PCDHGA2: variants seen among roughly 807,000 people sequenced by gnomAD.
The protein encoded by PCDHGA2 is protocadherin gamma-A2.
A neutral mutation model predicts 59.2 loss-of-function variants in PCDHGA2; 40 were observed. That is an observed-to-expected ratio of 0.68 (90% confidence interval 0.52 to 0.88). PCDHGA2 has a LOEUF of 0.88. PCDHGA2 is among the 40% of genes least tolerant of loss of function. PCDHGA2 has a pLI of 0.00. For synonymous variants in PCDHGA2, 560 were observed against 526.0 expected (o/e 1.06, Z -0.89); for missense variants, 1,226 against 1,204.0 (o/e 1.02, Z -0.27).
In PCDHGA2 at chr5:141,391,294, C is replaced by T. The variant is rs1189563844; in HGVS notation, c.2424+49899C>T. On this transcript the variant is annotated intron_variant, in intron 1 of 3. Transcript: ENST00000394576. Reference sequence around the variant, plus strand: ...TTTACAAATTGCTGAAAGAAGGAAACGTCTTTCGATTCTTTTTTTTTTCTT... The same window carrying T: ...TTTACAAATTGCTGAAAGAAGGAAATGTCTTTCGATTCTTTTTTTTTTCTT... 5.9e-5 allele frequency: 9 copies of T among 151,668 alleles called. 2 individuals are homozygous for T. The highest frequency in any genetic ancestry group is 5.3e-4 in the Admixed American group (8 of 15,220). 9.4% of individuals were successfully genotyped at this position (151,668 alleles called of 1,614,324 possible).
In PCDHGA2 at chr5:141,477,857, C is replaced by A. The variant is rs548674958; in HGVS notation, c.2425-16950C>A. On this transcript the variant is annotated intron_variant, in intron 1 of 3. Transcript: ENST00000394576. The surrounding 1 kb of genome is among the most constrained non-coding windows in gnomAD (Gnocchi z 4.9). ...AGGTGGGAGCTCGGTGGAGATGCTG[C>A]CTCGAGGTACCTCAGCTGGCCACCT... 2.9e-5 allele frequency: 47 copies of A among 1,613,454 alleles called. No individual in the cohort carries two copies. In the South Asian group the frequency reaches 4.9e-4, roughly 17 times the overall value.
At chr5:141,378,951 C>T (rs1775267163) in intron 1 of PCDHGA2, 1 of 152,180 alleles carries the variant, frequency 6.6e-6, no homozygotes, top group South Asian at 2.1e-4. Context: ...GAATGGAGTA[C>T]AGGGGATTCT....
chr5:141,395,305 A>G, intron 1 of PCDHGA2: 1 of 1,514,986 alleles, frequency 6.6e-7, no homozygotes. Flanking sequence ...TATGTTTTGA[A>G]AAACATTGTG....
chr5:141,510,069 CCAGCAGAGTGCCTGG>C (rs994886462), intron 3 of PCDHGA2, among the ~76,000 whole-genome samples: 12 of 152,260 alleles, frequency 7.9e-5, no homozygotes, highest in Admixed American at 7.8e-4. Context: ...TGTGAAGCAT[CCAGCAGAGTGCCTGG>C]CACACAGTAG....
intron 1 of PCDHGA2, chr5:141,415,172 T>G (rs770772038): frequency 1.2e-6 from 2 of 1,613,882 alleles, no homozygotes; most frequent in Non-Finnish European, 1.7e-6. Context: ...ACGCTCACCG[T>G]GGCCGTGGCC....
At chr5:141,417,304 AG>A (rs1315238937) in intron 1 of PCDHGA2, 1 of 152,318 alleles carries the variant, frequency 6.6e-6, no homozygotes, top group East Asian at 1.9e-4. Context: ...CTCTGGATGG[AG>A]GAATTGGATA....
chr5:141,398,812 C>A, intron 1 of PCDHGA2: 1 of 1,613,942 alleles, frequency 6.2e-7, no homozygotes, highest in South Asian at 1.1e-5. Context: ...CACTGAGCTC[C>A]GGATCCAGGT....
At chr5:141,368,627 T>C (rs1237870416) in intron 1 of PCDHGA2, among the ~76,000 whole-genome samples, 2 of 152,216 alleles carry the variant, frequency 1.3e-5, no homozygotes, top group Non-Finnish European at 2.9e-5. Context: ...ACATTTCTTC[T>C]GAGTTAAATG....
chr5:141,405,138 G>A (rs777486710), intron 1 of PCDHGA2: 4 of 1,613,962 alleles, frequency 2.5e-6, no homozygotes, highest in Non-Finnish European at 3.4e-6. Flanking sequence ...CGGGCTACCA[G>A]TGATGGGTTG....
intron 1 of PCDHGA2, among the ~76,000 whole-genome samples, chr5:141,429,780 A>G (rs1301908729): frequency 1.3e-5 from 2 of 152,222 alleles, no homozygotes; most frequent in Non-Finnish European, 2.9e-5. Flanking sequence ...ATGGGCTTCC[A>G]AAAGTATTAC....
At chr5:141,397,614 A>ACTAGAACT (rs2150713337) in intron 1 of PCDHGA2, among the ~76,000 whole-genome samples, 1 of 152,358 alleles carries the variant, frequency 6.6e-6, no homozygotes, top group African/African-American at 2.4e-5. Context: ...CAAGGGCAAT[A>ACTAGAACT]CTTAGTTCTA....
rs761202330 is a variant in PCDHGA2 at position 141,489,878 on chromosome 5, C to T, written c.2425-4929C>T. 1.1e-5 allele frequency: 17 copies of T among 1,614,116 alleles called. No individual in the cohort carries two copies. In the East Asian group the frequency reaches 3.6e-4, roughly 34 times the overall value. On this transcript the variant is annotated intron_variant, in intron 1 of 3. Transcript: ENST00000394576. This position sits in a 1 kb window ranked among gnomAD's most constrained non-coding sequence, Gnocchi z 4.5. ...CAGGCAAGACATCAGCTGGTGCTTA[C>T]TGCTGTGGATGGGGGGACCCCAGCC... is the stretch of plus-strand genomic sequence containing the variant.
At chr5:141,428,618 T>C (rs554092834) in intron 1 of PCDHGA2, 1 of 206,012 alleles carries the variant, frequency 4.9e-6, no homozygotes, top group African/African-American at 2.3e-5. Context: ...AATAACAAGA[T>C]AAGCTCTAAC....
chr5:141,394,374 G>C, intron 1 of PCDHGA2: 6 of 1,614,172 alleles, frequency 3.7e-6, no homozygotes, highest in Non-Finnish European at 5.1e-6. Context: ...GCAATCTTTC[G>C]ACTATGAGCA....
intron 2 of PCDHGA2, among the ~76,000 whole-genome samples, chr5:141,500,416 A>G: frequency 6.6e-6 from 1 of 151,634 alleles, no homozygotes; most frequent in East Asian, 2.0e-4. Flanking sequence ...TCACCGTGTT[A>G]GCCAGGATGG....
chr5:141,505,345 G>A (rs776607130), intron 2 of PCDHGA2, 48 bp from the exon 3 acceptor site: 13 of 1,613,086 alleles, frequency 8.1e-6, no homozygotes, highest in Non-Finnish European at 1.1e-5. Flanking sequence ...AGGGGCATGA[G>A]CTGTGCCGGC....
rs747811019 is a variant in PCDHGA2 at position 141,490,069 on chromosome 5, C to T, written c.2425-4738C>T. 6 of 1,614,150 alleles carry T rather than the reference C, an allele frequency of 3.7e-6. No homozygotes were observed. Among genetic ancestry groups the T allele is most frequent in the Non-Finnish European group, 5.1e-6 (6 of 1,180,044 alleles). ...TCCAGACGAGGGCACCAACGGCCAA[C>T]TAGACTATTCTTTTGGAGACCACAC... On this transcript the variant is annotated intron_variant, in intron 1 of 3. Transcript: ENST00000394576. This position sits in a 1 kb window ranked among gnomAD's most constrained non-coding sequence, Gnocchi z 5.4.
chr5:141,413,690 A>T lies in PCDHGA2; in HGVS notation c.2424+72295A>T, dbSNP rs553462819. On this transcript the variant is annotated intron_variant, in intron 1 of 3. Transcript: ENST00000394576. ...CCGGATGTGGGCGTGAACTCCCTGC[A>T]GAGCTATCAGCTCAGCCCCAATAAG... 9.9e-6 allele frequency: 16 copies of T among 1,613,702 alleles called. No individual in the cohort carries two copies. The East Asian group carries it at 2.9e-4, about 29-fold the overall frequency.
At position 141,414,671 on chromosome 5, in the gene PCDHGA2, C is replaced by A. The variant is rs115280317; in HGVS notation, c.2424+73276C>A. On this transcript the variant is annotated intron_variant, in intron 1 of 3. Coordinates refer to ENST00000394576, the MANE Select transcript of PCDHGA2 (RefSeq NM_018915.4). ...ATTATTTACTCCCTGGCTGAAGACA[C>A]CATCCAGGGGGTACCTCTGTCCTCA... 857 of 1,613,966 alleles carry A rather than the reference C, an allele frequency of 5.3e-4. 9 individuals carry two copies. In the African/African-American group the frequency reaches 0.01, roughly 19 times the overall value.
Sources: gnomAD v4.1 joint callset for allele counts (sites outside exome capture counted in the v4.1 genomes callset) on GRCh38, gnomAD v4.1.1 for gene constraint, Gnocchi (gnomAD v3.1) non-coding constraint, MANE v1.5 for transcripts, NCBI Gene and HGNC (gene_info 2026-07-23, HGNC 2026-07-21) for gene names.